ITPR2: variants seen among roughly 807,000 people sequenced by gnomAD.
ITPR2 encodes inositol 1,4,5-trisphosphate receptor type 2.
ITPR2 carries 207 observed loss-of-function variants against 317.1 expected under a neutral mutation model. That is an observed-to-expected ratio of 0.65 (90% confidence interval 0.58 to 0.73). The LOEUF is 0.73. Ranked by LOEUF, ITPR2 falls within the 30% of genes least tolerant of loss-of-function variation. The pLI is 0.00. For missense variants in ITPR2, 2,613 were observed against 3,284.0 expected (o/e 0.80, Z 4.99); for synonymous variants, 1,156 against 1,149.1 (o/e 1.01, Z -0.12).
intron 23 of ITPR2, among the ~76,000 whole-genome samples, chr12:26,625,457 C>A (rs1023106061): frequency 6.6e-6 from 1 of 151,768 alleles, no homozygotes; most frequent in African/African-American, 2.4e-5. Context: ...ATATATACAT[C>A]AACTATGTAC....
chr12:26,527,504 G>T (rs1292929869), intron 37 of ITPR2, among the ~76,000 whole-genome samples: 2 of 152,160 alleles, frequency 1.3e-5, no homozygotes, highest in African/African-American at 4.8e-5. Flanking sequence ...GACTTACTGA[G>T]ATAATCAATT....
rs551176196 is a variant in ITPR2, at chr12:26,545,559, C to T, written c.5073+4688G>A. On this transcript the variant is annotated intron_variant, in intron 37 of 56. Coordinates refer to ENST00000381340, the MANE Select transcript of ITPR2 (RefSeq NM_002223.4). ...CTACTGCTCACACCTTGATTTTAAG[C>T]TCTTGACTTTCAAAACTGTAAGATA... 3.0e-4 allele frequency among the ~76,000 whole-genome samples: 46 copies of T among 152,266 alleles called. 2 individuals are homozygous for T. The South Asian group carries it at 9.5e-3, about 32-fold the overall frequency.
intron 21 of ITPR2, among the ~76,000 whole-genome samples, chr12:26,644,305 G>A (rs1023346117): frequency 6.6e-6 from 1 of 152,156 alleles, no homozygotes; most frequent in African/African-American, 2.4e-5. Flanking sequence ...GGGGAGTTGA[G>A]TGGGGAGGAG....
chr12:26,511,663 A>G (rs1021541862), intron 37 of ITPR2, among the ~76,000 whole-genome samples: 4 of 152,240 alleles, frequency 2.6e-5, no homozygotes, highest in African/African-American at 9.6e-5. Context: ...AAAAAGTCAT[A>G]CTATGACATA....
chr12:26,768,425 T>TA (rs72266930), intron 2 of ITPR2, among the ~76,000 whole-genome samples: 39,113 of 118,480 alleles, frequency 0.33, 7,253 homozygotes, highest in East Asian at 0.78. Context: ...AAAAAAAAAT[T>TA]AAAAAAAAAT....
In ITPR2 at chr12:26,726,859, A is replaced by G. The variant is rs539512981; in HGVS notation, c.164-1094T>C. Among the ~76,000 whole-genome samples, 19 of 152,310 alleles carry G rather than the reference A, an allele frequency of 1.2e-4. 1 individual carries two copies. The South Asian group carries it at 3.7e-3, about 30-fold the overall frequency. On this transcript the variant is annotated intron_variant, in intron 2 of 56. Transcript: ENST00000381340. ...AAGAAATATGGCTGTAAAATTTGTA[A>G]GGAATGTAGGAAAAACAAGACAATG...
At chr12:26,713,725 G>A (rs1018982615) in intron 8 of ITPR2, among the ~76,000 whole-genome samples, 4 of 152,174 alleles carry the variant, frequency 2.6e-5, no homozygotes, top group Non-Finnish European at 4.4e-5. Flanking sequence ...GTAACTCACT[G>A]TATTTCATTA....
intron 48 of ITPR2, among the ~76,000 whole-genome samples, chr12:26,431,940 T>C (rs1343981075): frequency 6.6e-6 from 1 of 152,182 alleles, no homozygotes; most frequent in African/African-American, 2.4e-5. Flanking sequence ...AGAGCTCTTT[T>C]TGTGGTCCAA....
At chr12:26,708,600 G>A (rs1468182956) in intron 9 of ITPR2, among the ~76,000 whole-genome samples, 3 of 152,200 alleles carry the variant, frequency 2.0e-5, no homozygotes, top group African/African-American at 7.2e-5. Context: ...CCAGAGGCTA[G>A]GAAGGGTGAC....
intron 1 of ITPR2, among the ~76,000 whole-genome samples, chr12:26,829,920 T>C (rs1299463920): frequency 1.3e-5 from 2 of 152,202 alleles, no homozygotes; most frequent in Non-Finnish European, 2.9e-5. Flanking sequence ...TTTGTTTTTT[T>C]TGAGGCAGAG....
chr12:26,791,136 T>G (rs528290677), intron 1 of ITPR2, among the ~76,000 whole-genome samples: 1 of 152,184 alleles, frequency 6.6e-6, no homozygotes, highest in Admixed American at 6.5e-5. Context: ...AGAAGACAAT[T>G]TGTAGGACAA....
At chr12:26,770,631 A>C (rs924731392) in intron 2 of ITPR2, among the ~76,000 whole-genome samples, 3 of 152,216 alleles carry the variant, frequency 2.0e-5, no homozygotes, top group Non-Finnish European at 4.4e-5. Context: ...CTCATCTATA[A>C]AATGAGATAT....
chr12:26,787,283 T>A (rs555257363), intron 2 of ITPR2, among the ~76,000 whole-genome samples: 1 of 152,318 alleles, frequency 6.6e-6, no homozygotes, highest in African/African-American at 2.4e-5. Flanking sequence ...CCAGTGATGA[T>A]TGTAGTAAGA....
chr12:26,737,208 T>C (rs1949137737), intron 2 of ITPR2, among the ~76,000 whole-genome samples: 1 of 152,114 alleles, frequency 6.6e-6, no homozygotes, highest in South Asian at 2.1e-4. Flanking sequence ...TGGGGAGGTC[T>C]TTCCCAAATA....
intron 26 of ITPR2, among the ~76,000 whole-genome samples, chr12:26,610,226 C>T (rs1452914326): frequency 2.6e-5 from 4 of 152,232 alleles, no homozygotes; most frequent in Non-Finnish European, 5.9e-5. Flanking sequence ...CAAAAGTCAG[C>T]TAATCGATCA....
chr12:26,682,412 C>T (rs1184812418), intron 12 of ITPR2, among the ~76,000 whole-genome samples, 162 bp downstream of exon 12: 2 of 152,210 alleles, frequency 1.3e-5, no homozygotes, highest in African/African-American at 2.4e-5. Flanking sequence ...AGATCAGCTA[C>T]CTAAGCAACT....
chr12:26,655,817 A>G lies in ITPR2; in HGVS notation c.2480T>C (p.Met827Thr). 6.2e-7 allele frequency: 1 copy of G among 1,611,890 alleles called. No homozygotes were observed. The highest frequency in any genetic ancestry group is 8.5e-7 in the Non-Finnish European group (1 of 1,178,726). Residue 827 changes from methionine (M) to threonine (T), a missense_variant, in exon 20 of 57, where the codon ATG (methionine) becomes ACG (threonine). This residue lies in a region of ITPR2 where 817 missense variants were observed against 897.6 expected (regional missense o/e 0.91). Transcript: ENST00000381340. ...CATTGTCAGGGCAAATTTCCTCTTCATATCATTTCTGGAAGAGTCTGTTAT... is the reference window on the plus strand; with the variant it reads ...CATTGTCAGGGCAAATTTCCTCTTCGTATCATTTCTGGAAGAGTCTGTTAT... ...DSITDSSRNDMKRKFALTMEF... is the reference protein window; with the variant it reads ...DSITDSSRNDTKRKFALTMEF...
chr12:26,652,485 CTGTAGTGGATGT>C (rs1947278887), intron 21 of ITPR2, among the ~76,000 whole-genome samples: 1 of 152,190 alleles, frequency 6.6e-6, no homozygotes, highest in African/African-American at 2.4e-5. Flanking sequence ...CCTTTTAATA[CTGTAGTGGATGT>C]TGTAGTGGAT....
At chr12:26,818,150 C>T in intron 1 of ITPR2, among the ~76,000 whole-genome samples, 1 of 152,028 alleles carries the variant, frequency 6.6e-6, no homozygotes, top group East Asian at 1.9e-4. Flanking sequence ...ATTATAACTT[C>T]CATTTTGAAA....
Sources: gnomAD v4.1 joint callset for allele counts (sites outside exome capture counted in the v4.1 genomes callset) on GRCh38, gnomAD v4.1.1 for gene constraint, gnomAD v4.1.1 regional missense constraint, MANE v1.5 for transcripts, NCBI Gene and HGNC (gene_info 2026-07-23, HGNC 2026-07-21) for gene names.